DGKD: variants seen among roughly 807,000 people sequenced by gnomAD.
The protein encoded by DGKD is DAG kinase delta.
A neutral mutation model predicts 154.4 loss-of-function variants in DGKD; 68 were observed. The observed-to-expected ratio is 0.44, with a 90% CI of 0.36 to 0.54. DGKD has a LOEUF of 0.54. Among genes scored for constraint, DGKD ranks in the 20% least tolerant of loss-of-function variants. DGKD has a pLI of 0.00. For missense variants in DGKD, 1,343 were observed against 1,593.6 expected (o/e 0.84, Z 2.68); for synonymous variants, 693 against 638.0 (o/e 1.09, Z -1.30).
chr2:233,422,995 T>C (rs1172909694), intron 3 of DGKD, among the ~76,000 whole-genome samples: 2 of 152,252 alleles, frequency 1.3e-5, no homozygotes, highest in African/African-American at 4.8e-5. Context: ...CAAGATGTGA[T>C]ATAAATGGAA....
At chr2:233,370,039 A>G (rs1220875144) in intron 1 of DGKD, among the ~76,000 whole-genome samples, 1 of 152,114 alleles carries the variant, frequency 6.6e-6, no homozygotes, top group Admixed American at 6.6e-5. Flanking sequence ...GCCATTAAGT[A>G]CATTAATGGT....
intron 7 of DGKD, among the ~76,000 whole-genome samples, chr2:233,436,867 C>G (rs1024282512): frequency 2.6e-5 from 4 of 152,214 alleles, no homozygotes; most frequent in Non-Finnish European, 5.9e-5. Context: ...TGGCCTCCTG[C>G]CAGGTCCTGG....
intron 19 of DGKD, among the ~76,000 whole-genome samples, chr2:233,456,422 A>G (rs954351410): frequency 3.3e-5 from 5 of 152,226 alleles, no homozygotes; most frequent in East Asian, 1.9e-4. Context: ...TTAATATGCA[A>G]AGAAGACTGA....
intron 3 of DGKD, among the ~76,000 whole-genome samples, chr2:233,400,513 T>G (rs1211024600): frequency 6.6e-6 from 1 of 152,238 alleles, no homozygotes; most frequent in Non-Finnish European, 1.5e-5. Flanking sequence ...CTCTCCCATT[T>G]GTGGGGGTGC....
intron 10 of DGKD, chr2:233,442,291 G>T (rs954872506): frequency 3.8e-6 from 2 of 522,040 alleles, no homozygotes; most frequent in Non-Finnish European, 7.2e-6. Context: ...GGGTGGGGCT[G>T]TTGCTTTACT....
chr2:233,388,419 A>C (rs1703338372), intron 2 of DGKD, 52 bp downstream of exon 2: 1 of 1,547,978 alleles, frequency 6.5e-7, no homozygotes, highest in Admixed American at 2.0e-5. Context: ...GAGCCGTCCC[A>C]GGGGAGGAAC....
chr2:233,409,999 T>A (rs894665485), intron 3 of DGKD, among the ~76,000 whole-genome samples: 4 of 152,020 alleles, frequency 2.6e-5, no homozygotes, highest in Middle Eastern at 3.2e-3. Context: ...CTTTTTCTTT[T>A]TTTTAAATTT....
chr2:233,435,787 C>G, intron 5 of DGKD, 31 bp from the exon 6 acceptor site: 1 of 1,599,846 alleles, frequency 6.3e-7, no homozygotes, highest in Non-Finnish European at 8.5e-7. Context: ...ACAGACACAG[C>G]TTGTAGGCTC....
chr2:233,382,419 G>A (rs968956171), intron 1 of DGKD, among the ~76,000 whole-genome samples: 1 of 152,092 alleles, frequency 6.6e-6, no homozygotes, highest in Admixed American at 6.5e-5. Flanking sequence ...TTTTGTTGTT[G>A]TTGAAGGACC....
chr2:233,446,805 G>A lies in DGKD; in HGVS notation c.1419+9G>A. 1 of 1,614,046 alleles carries A rather than the reference G, an allele frequency of 6.2e-7. No homozygotes were observed. The highest frequency in any genetic ancestry group is 8.5e-7 in the Non-Finnish European group (1 of 1,179,948). ...TCAGCGAGGATTCCGAGGTATTGCT[G>A]GCCTGTTCTTCACACCCTGCTCGCA... is the stretch of plus-strand genomic sequence containing the variant. On this transcript the variant is annotated intron_variant, in intron 12 of 29. Coordinates refer to ENST00000264057, the MANE Select transcript of DGKD (RefSeq NM_152879.3).
intron 1 of DGKD, among the ~76,000 whole-genome samples, chr2:233,367,815 A>G (rs1402697520): frequency 7.1e-6 from 1 of 141,766 alleles, no homozygotes; most frequent in Non-Finnish European, 1.6e-5. Context: ...CGCTTGGTTT[A>G]CAGATTTCTA....
intron 1 of DGKD, among the ~76,000 whole-genome samples, chr2:233,377,520 G>A (rs970317138): frequency 3.3e-5 from 5 of 152,286 alleles, no homozygotes; most frequent in Admixed American, 2.6e-4. Context: ...TGAATGTACC[G>A]TAATTTATTC....
intron 1 of DGKD, among the ~76,000 whole-genome samples, chr2:233,358,855 G>A (rs1447816311): frequency 6.6e-6 from 1 of 152,190 alleles, no homozygotes; most frequent in African/African-American, 2.4e-5. Context: ...ATGCTGCTGT[G>A]AACATTCATG....
At chr2:233,372,123 G>A (rs1287680636) in intron 1 of DGKD, among the ~76,000 whole-genome samples, 1 of 152,072 alleles carries the variant, frequency 6.6e-6, no homozygotes, top group Non-Finnish European at 1.5e-5. Flanking sequence ...CCGAGCTCAA[G>A]TGATCCTCCC....
chr2:233,365,966 T>C (rs912111361), intron 1 of DGKD, among the ~76,000 whole-genome samples: 1 of 152,166 alleles, frequency 6.6e-6, no homozygotes, highest in African/African-American at 2.4e-5. Context: ...CACATTAAAC[T>C]CAAAGGAAAT....
At chr2:233,434,058 C>G (rs539408707) in intron 3 of DGKD, among the ~76,000 whole-genome samples, 2 of 152,158 alleles carry the variant, frequency 1.3e-5, no homozygotes, top group African/African-American at 2.4e-5. Flanking sequence ...TTCCACTGTT[C>G]GGAAAACAAC....
At chr2:233,385,972 C>T (rs1406393251) in intron 1 of DGKD, 3 of 470,834 alleles carry the variant, frequency 6.4e-6, no homozygotes, top group African/African-American at 4.0e-5. Context: ...TCTCATCCGC[C>T]CTCAGAAAGA....
At chr2:233,403,510 A>G (rs12992479) in intron 3 of DGKD, among the ~76,000 whole-genome samples, 1 of 151,762 alleles carries the variant, frequency 6.6e-6, no homozygotes, top group Non-Finnish European at 1.5e-5. Context: ...GCAGTGAGCC[A>G]AGATCGCACC....
intron 11 of DGKD, 102 bp from the exon 12 acceptor site, chr2:233,446,610 G>A (rs1045249528): frequency 1.7e-6 from 2 of 1,198,212 alleles, no homozygotes; most frequent in Admixed American, 2.1e-5. Flanking sequence ...GTCAGAAACG[G>A]TGTAAAGATC....
Sources: allele counts gnomAD v4.1 joint callset (sites outside exome capture counted in the v4.1 genomes callset), GRCh38; gene constraint gnomAD v4.1.1; transcripts MANE v1.5; gene names NCBI Gene and HGNC (gene_info 2026-07-23, HGNC 2026-07-21).